CDCA7L: variants seen among roughly 807,000 people sequenced by gnomAD.
The protein encoded by CDCA7L is cell division cycle associated 7 like, also known as cell division cycle-associated 7-like protein.
In CDCA7L, 44 loss-of-function variants were observed where a neutral mutation model predicts 57.4. That is an observed-to-expected ratio of 0.77 (90% CI 0.60 to 0.98). CDCA7L has a LOEUF of 0.98. Ranked by LOEUF, CDCA7L falls within the 50% of genes least tolerant of loss-of-function variation. The pLI is 0.00. For missense variants in CDCA7L, 644 were observed against 580.6 expected (o/e 1.11, Z -1.12); for synonymous variants, 236 against 202.8 (o/e 1.16, Z -1.39).
Position 21,908,111 on chromosome 7 carries a change from G to T in CDCA7L, c.681+19C>A. 1 of 1,498,160 alleles carries T rather than the reference G, an allele frequency of 6.7e-7. No homozygotes were observed. Among genetic ancestry groups the T allele is most frequent in the Non-Finnish European group, 8.8e-7 (1 of 1,134,762 alleles). 92.8% of individuals were successfully genotyped at this position (1,498,160 alleles called of 1,614,324 possible). A position where few individuals can be genotyped will look rare whatever the true frequency, so the allele number is the denominator to read the frequency against. ...AGAGCCTGGTGCCAACTCCCAGGAC[G>T]CCCTCCGTGAAGCCTCACCATGGCT... On this transcript the variant is annotated intron_variant, in intron 4 of 9. Transcript: ENST00000406877.
chr7:21,911,575 A>T lies in CDCA7L; in HGVS notation c.303+42T>A. On this transcript the variant is annotated intron_variant, in intron 3 of 9. Coordinates refer to ENST00000406877, the MANE Select transcript of CDCA7L (RefSeq NM_018719.5). ...GTAAAACTCTTTCAGAAACAGGATT[A>T]AAAACGTTACCACCCACATCCCTTC... 1.9e-6 allele frequency: 3 copies of T among 1,565,738 alleles called. No homozygotes were observed. In the South Asian group the frequency reaches 3.6e-5, roughly 19 times the overall value.
chr7:21,911,262 T>C (rs897858219), intron 3 of CDCA7L, among the ~76,000 whole-genome samples: 4 of 151,836 alleles, frequency 2.6e-5, no homozygotes, highest in African/African-American at 9.7e-5. Context: ...ACTCCTGACC[T>C]CAGGTCCACC....
chr7:21,909,736 C>T (rs1785254519), intron 3 of CDCA7L, among the ~76,000 whole-genome samples: 1 of 152,194 alleles, frequency 6.6e-6, no homozygotes, highest in Admixed American at 6.5e-5. Flanking sequence ...TATCTACCAT[C>T]CTCATCATCG....
intron 1 of CDCA7L, among the ~76,000 whole-genome samples, chr7:21,931,507 A>G (rs914884891): frequency 6.6e-6 from 1 of 152,214 alleles, no homozygotes; most frequent in Non-Finnish European, 1.5e-5. Context: ...CATCACATAA[A>G]CAGAACCAAT....
intron 7 of CDCA7L, among the ~76,000 whole-genome samples, 157 bp from the exon 8 acceptor site, chr7:21,904,416 G>C (rs972228101): frequency 6.6e-6 from 1 of 152,166 alleles, no homozygotes; most frequent in African/African-American, 2.4e-5. Context: ...ATTGTCTCTA[G>C]ACCGGGGTCC....
At chr7:21,937,545 G>A (rs898509160) in intron 1 of CDCA7L, among the ~76,000 whole-genome samples, 13 of 151,944 alleles carry the variant, frequency 8.6e-5, no homozygotes, top group Non-Finnish European at 1.5e-4. Context: ...GGCTGAGGCA[G>A]GAGAATTGCT....
Position 21,911,006 on chromosome 7 carries a change from A to ATTTTTTTT in CDCA7L, c.303+603_303+610dup, listed in dbSNP as rs557286550. 2.9e-4 allele frequency among the ~76,000 whole-genome samples: 24 copies of ATTTTTTTT among 82,526 alleles called. 1 individual carries two copies. Among genetic ancestry groups the ATTTTTTTT allele is most frequent in the African/African-American group, 7.7e-4 (13 of 16,888 alleles). 54.1% of individuals were successfully genotyped at this position (82,526 alleles called of 152,430 possible). A position where few individuals can be genotyped will look rare whatever the true frequency, so the allele number is the denominator to read the frequency against. ...AGAGGTTTAAGGAACTCTTGAGATA[A>ATTTTTTTT]TTTTTTTTTTTTTTTTTTTTTTTTT... On this transcript the variant is annotated intron_variant, in intron 3 of 9. Transcript: ENST00000406877.
At chr7:21,939,550 C>G (rs1390876604) in intron 1 of CDCA7L, among the ~76,000 whole-genome samples, 3 of 152,112 alleles carry the variant, frequency 2.0e-5, no homozygotes, top group Non-Finnish European at 4.4e-5. Flanking sequence ...ATTTCCTCCT[C>G]CAGGGAGGTC....
At chr7:21,904,826 C>A (rs112868844) in intron 7 of CDCA7L, among the ~76,000 whole-genome samples, 2 of 151,920 alleles carry the variant, frequency 1.3e-5, no homozygotes, top group African/African-American at 4.8e-5. Flanking sequence ...GAGCAGAGAC[C>A]CAGAAGGAAT....
chr7:21,940,440 C>CT (rs1786303860), intron 1 of CDCA7L: 3 of 261,754 alleles, frequency 1.1e-5, no homozygotes, highest in Admixed American at 6.5e-5. Context: ...ACATCGTCTC[C>CT]TAAGCATCAA....
intron 1 of CDCA7L, among the ~76,000 whole-genome samples, chr7:21,939,277 G>C (rs758402975): frequency 1.3e-5 from 2 of 152,152 alleles, no homozygotes; most frequent in African/African-American, 2.4e-5. Context: ...ATCAGTGATG[G>C]CGGCACAACA....
intron 8 of CDCA7L, 66 bp downstream of exon 8, chr7:21,904,044 G>C: frequency 6.9e-7 from 1 of 1,446,196 alleles, no homozygotes; most frequent in Admixed American, 2.3e-5. Flanking sequence ...GAACCCAGGA[G>C]GCCCATCTTT....
chr7:21,945,707 C>A (rs981086018), intron 1 of CDCA7L, 74 bp downstream of exon 1: 119 of 1,576,176 alleles, frequency 7.5e-5, no homozygotes, highest in Non-Finnish European at 9.6e-5. Flanking sequence ...CAGCCCAAGG[C>A]CAGCAGGACC....
rs530925691 is a variant in CDCA7L, at chr7:21,901,335, T to C, written c.*987A>G. 1.4e-6 allele frequency: 2 copies of C among 1,450,688 alleles called. No homozygotes were observed. The highest frequency in any genetic ancestry group is 2.5e-5 in the Admixed American group (1 of 40,586). 89.9% of individuals were successfully genotyped at this position (1,450,688 alleles called of 1,614,324 possible). On this transcript the variant is annotated 3_prime_UTR_variant, in exon 10 of 10. Transcript: ENST00000406877. ...TGTTGCTGCACTGTTCCCATGCACA[T>C]TATTCTAACTTTTTAGTAACTCACA...
At chr7:21,924,669 G>T (rs1333257352) in intron 1 of CDCA7L, among the ~76,000 whole-genome samples, 1 of 152,142 alleles carries the variant, frequency 6.6e-6, no homozygotes, top group African/African-American at 2.4e-5. Flanking sequence ...AAATCTTTGT[G>T]ACCTTAAGTT....
At chr7:21,938,135 GA>G (rs1183385522) in intron 1 of CDCA7L, among the ~76,000 whole-genome samples, 2 of 152,080 alleles carry the variant, frequency 1.3e-5, no homozygotes, top group African/African-American at 4.8e-5. Context: ...TATAGAATGA[GA>G]GAAAATATTT....
intron 4 of CDCA7L, 129 bp downstream of exon 4, chr7:21,908,001 C>G (rs1785193083): frequency 8.5e-6 from 8 of 945,740 alleles, no homozygotes; most frequent in Non-Finnish European, 1.2e-5. Context: ...TACACAATAC[C>G]CAGAGTATAT....
chr7:21,926,621 A>G (rs964336617), intron 1 of CDCA7L, among the ~76,000 whole-genome samples: 4 of 152,172 alleles, frequency 2.6e-5, no homozygotes, highest in African/African-American at 9.7e-5. Context: ...CCTGTAATCC[A>G]AGCATTTTGG....
chr7:21,901,204 A>C lies in CDCA7L; in HGVS notation c.*1118T>G. On this transcript the variant is annotated 3_prime_UTR_variant, in exon 10 of 10. Transcript: ENST00000406877. ...GACCTTCAGGCTGAAGAGCGAAGAG[A>C]AGACTGCAAAATGGGTTCTGGCTGG... 6.2e-7 allele frequency: 1 copy of C among 1,613,622 alleles called. No homozygotes were observed. Among genetic ancestry groups the C allele is most frequent in the Non-Finnish European group, 8.5e-7 (1 of 1,179,696 alleles).
Sources: gnomAD v4.1 joint callset for allele counts (sites outside exome capture counted in the v4.1 genomes callset) on GRCh38, gnomAD v4.1.1 for gene constraint, MANE v1.5 for transcripts, NCBI Gene and HGNC (gene_info 2026-07-23, HGNC 2026-07-21) for gene names.